UTS2B: variants seen among roughly 807,000 people sequenced by gnomAD.
UTS2B encodes urotensin 2B.
UTS2B carries 21 observed loss-of-function variants against 19.2 expected under a neutral mutation model. The observed-to-expected ratio is 1.09, with a 90% CI of 0.78 to 1.58. The LOEUF is 1.58. UTS2B is among the 40% of genes most tolerant of loss of function. The pLI is 0.00. For synonymous variants in UTS2B, 57 were observed against 50.2 expected, an observed-to-expected ratio of 1.14 and a Z score of -0.58; for missense variants, 138 against 130.3, an observed-to-expected ratio of 1.06 and a Z score of -0.29.
At chr3:191,310,570 T>C (rs12494040) in intron 3 of UTS2B, among the ~76,000 whole-genome samples, 3,529 of 152,294 alleles carry the variant, frequency 0.023, 111 homozygotes, top group East Asian at 0.13. Context: ...CTCTGGCCAT[T>C]GCTATTTCTG....
At chr3:191,288,921 AAAAC>A in intron 4 of UTS2B, among the ~76,000 whole-genome samples, 2 of 102,480 alleles carry the variant, frequency 2.0e-5, no homozygotes, top group East Asian at 6.2e-4. Flanking sequence ...AACAAAAGCA[AAAAC>A]AAACGAGATT....
chr3:191,288,382 A>G (rs1456104378), intron 4 of UTS2B, among the ~76,000 whole-genome samples: 1 of 152,224 alleles, frequency 6.6e-6, no homozygotes, highest in African/African-American at 2.4e-5. Context: ...AATATACTAC[A>G]ATACTATCAT....
intron 4 of UTS2B, among the ~76,000 whole-genome samples, chr3:191,291,986 T>G (rs1305180902): frequency 6.6e-6 from 1 of 152,192 alleles, no homozygotes; most frequent in East Asian, 1.9e-4. Flanking sequence ...ATATTGTTTA[T>G]TAATGTAGCT....
chr3:191,290,822 A>G (rs1469464497), intron 4 of UTS2B, among the ~76,000 whole-genome samples: 1 of 152,234 alleles, frequency 6.6e-6, no homozygotes, highest in Admixed American at 6.5e-5. Flanking sequence ...GATGAGTGAC[A>G]AGAAAAGCAC....
chr3:191,337,804 T>C, the UTS2B span, among the ~76,000 whole-genome samples: 2 of 152,138 alleles, frequency 1.3e-5, no homozygotes, highest in Non-Finnish European at 2.9e-5. Context: ...CCAACAGATT[T>C]AACCACCTTA....
At chr3:191,297,244 T>C (rs1716880752) in intron 4 of UTS2B, among the ~76,000 whole-genome samples, 1 of 152,152 alleles carries the variant, frequency 6.6e-6, no homozygotes, top group Non-Finnish European at 1.5e-5. Flanking sequence ...TTATTCTTAT[T>C]AGGAACTAAT....
At chr3:191,275,446 C>T (rs992964323) in intron 7 of UTS2B, 101 bp from the exon 8 acceptor site, 40 of 851,840 alleles carry the variant, frequency 4.7e-5, no homozygotes, top group South Asian at 1.1e-4. Flanking sequence ...TTCGGGAGGC[C>T]GAGGCAGGCA....
chr3:191,272,714 A>G (rs1716123122), intron 8 of UTS2B, among the ~76,000 whole-genome samples: 2 of 151,876 alleles, frequency 1.3e-5, no homozygotes, highest in African/African-American at 4.8e-5. Context: ...ACAAAAAATT[A>G]GCTGGGCGTG....
intron 4 of UTS2B, among the ~76,000 whole-genome samples, chr3:191,289,793 G>A (rs376357512): frequency 7.2e-5 from 11 of 152,172 alleles, no homozygotes; most frequent in African/African-American, 2.7e-4. Context: ...CTTGGGTTGT[G>A]GGGAAGGGAG....
Position 191,276,378 on chromosome 3 carries a change from A to G in UTS2B, c.240+429T>C, listed in dbSNP as rs536209087. ...TTAGGCTCTTCACACCAGCTGCTTCAAGCCAAACAGCTTGACTTTTACATG... is the reference window on the plus strand; with the variant it reads ...TTAGGCTCTTCACACCAGCTGCTTCGAGCCAAACAGCTTGACTTTTACATG... On this transcript the variant is annotated intron_variant, in intron 7 of 8. Coordinates refer to ENST00000340524, the MANE Select transcript of UTS2B (RefSeq NM_198152.5). Among the ~76,000 whole-genome samples, 198 of 152,330 alleles carry G rather than the reference A, an allele frequency of 1.3e-3. 1 individual carries two copies. Among genetic ancestry groups the G allele is most frequent in the African/African-American group, 4.6e-3 (191 of 41,580 alleles).
At position 191,312,924 on chromosome 3, in the gene UTS2B, T is replaced by C. The variant is rs1560145187; in HGVS notation, c.-182+3112A>G. Among the ~76,000 whole-genome samples the C allele has an allele frequency of 7.2e-5, 11 of 152,176 alleles. No individual in the cohort carries two copies. The South Asian group carries it at 2.3e-3, about 32-fold the overall frequency. On this transcript the variant is annotated intron_variant, in intron 3 of 8. Transcript: ENST00000340524. ...AACGAGGCACAGAAATGAAAATGAA[T>C]ACAAGGTGATATTTTCTTTGCAGGC...
In UTS2B at chr3:191,329,513, A is replaced by T. The variant is rs919558735; in HGVS notation, c.-664-804T>A. The T allele has an allele frequency of 9.8e-5, 60 of 611,672 alleles. No homozygotes were observed. The Admixed American group carries it at 1.9e-3, about 20-fold the overall frequency. The allele number at this position is 611,672 out of a possible 1,614,324, so 37.9% of individuals were successfully genotyped here. On this transcript the variant is annotated intron_variant, in intron 1 of 8. Coordinates refer to ENST00000340524, the MANE Select transcript of UTS2B (RefSeq NM_198152.5). ...GGGACCGTCTCCCGCTGCTTTGGTC[A>T]CCAGCCCCTGCCCGCCCGACCCGCT... is the stretch of plus-strand genomic sequence containing the variant.
upstream of UTS2B, among the ~76,000 whole-genome samples, chr3:191,331,131 G>T (rs1031030458): frequency 6.6e-6 from 1 of 152,094 alleles, no homozygotes; most frequent in African/African-American, 2.4e-5. Flanking sequence ...GGATATGAGG[G>T]TTTTTTGTGT....
intron 6 of UTS2B, 67 bp from the exon 7 acceptor site, chr3:191,276,911 C>T: frequency 7.1e-7 from 1 of 1,412,886 alleles, no homozygotes; most frequent in Non-Finnish European, 9.9e-7. Context: ...CTTCAGTACA[C>T]ACATTTAAGA....
At chr3:191,331,624 T>A (rs537741050), upstream of UTS2B, among the ~76,000 whole-genome samples, 204 of 152,332 alleles carry the variant, frequency 1.3e-3, 1 homozygote, top group African/African-American at 4.7e-3. Flanking sequence ...ACTGTCTTTG[T>A]AAACATCTGA....
Position 191,325,427 on chromosome 3 carries a change from C to A in UTS2B, c.-586+3204G>T, listed in dbSNP as rs910522384. ...AGAGGGCTCTTGGAAGAGCAATGTC[C>A]CCAGGTGACCCCTGAGTTCCAGTAG... On this transcript the variant is annotated intron_variant, in intron 2 of 8. Coordinates refer to ENST00000340524, the MANE Select transcript of UTS2B (RefSeq NM_198152.5). 3.3e-5 allele frequency among the ~76,000 whole-genome samples: 5 copies of A among 152,068 alleles called. No homozygotes were observed. The East Asian group carries it at 9.6e-4, about 29-fold the overall frequency.
intron 8 of UTS2B, among the ~76,000 whole-genome samples, chr3:191,272,630 G>A (rs918380398): frequency 6.6e-6 from 1 of 152,182 alleles, no homozygotes; most frequent in Non-Finnish European, 1.5e-5. Flanking sequence ...GGAGGCAGAA[G>A]CGGGTGGATC....
intron 2 of UTS2B, among the ~76,000 whole-genome samples, chr3:191,323,343 AT>A (rs1303378251): frequency 6.6e-6 from 1 of 152,010 alleles, no homozygotes; most frequent in African/African-American, 2.4e-5. Context: ...TAATTCTTGT[AT>A]TTTTAGTAGA....
At chr3:191,285,816 T>C (rs2631670) in intron 4 of UTS2B, among the ~76,000 whole-genome samples, 76,376 of 151,476 alleles carry the variant, frequency 0.5, 20,944 homozygotes, top group Middle Eastern at 0.63. Flanking sequence ...GGGGAATCAA[T>C]TGAACCCAGG....
Sources: allele counts gnomAD v4.1 joint callset (sites outside exome capture counted in the v4.1 genomes callset), GRCh38; gene constraint gnomAD v4.1.1; transcripts MANE v1.5; gene names NCBI Gene and HGNC (gene_info 2026-07-23, HGNC 2026-07-21).